The following DDAH1 variants were observed in gnomAD, a reference collection of about 807,000 sequenced individuals.
The protein encoded by DDAH1 is N(G),N(G)-dimethylarginine dimethylaminohydrolase 1.
A neutral mutation model predicts 28.8 loss-of-function variants in DDAH1; 19 were observed. The observed-to-expected ratio is 0.66, with a 90% confidence interval of 0.46 to 0.97. DDAH1 has a LOEUF of 0.97. Ranked by LOEUF, DDAH1 falls within the 50% of genes least tolerant of loss-of-function variation. The pLI, the probability that DDAH1 is intolerant of heterozygous loss-of-function variation, is 0.00. For missense variants in DDAH1, 326 were observed against 375.9 expected, an observed-to-expected ratio of 0.87 and a Z score of 1.10; for synonymous variants, 153 against 154.4, an observed-to-expected ratio of 0.99 and a Z score of 0.07.
chr1:85,525,808 C>T (rs1657851488), intron 1 of DDAH1, among the ~76,000 whole-genome samples: 1 of 152,150 alleles, frequency 6.6e-6, no homozygotes, highest in South Asian at 2.1e-4. Flanking sequence ...CAGGTTAACA[C>T]TGCTTGTATC....
chr1:85,349,645 C>G lies in DDAH1; in HGVS notation c.597+770G>C, dbSNP rs571699693. Among the ~76,000 whole-genome samples the G allele has an allele frequency of 7.9e-4, 120 of 152,304 alleles. 1 individual carries two copies. The Middle Eastern group carries it at 0.01, about 13-fold the overall frequency. ...CCACCTCTCTCATTCATTTATCCAT[C>G]CCTTCATCAGACATTTATGAAGGGC... On this transcript the variant is annotated intron_variant, in intron 4 of 5. Transcript: ENST00000284031.
At chr1:85,499,793 C>T (rs185381482) in intron 1 of DDAH1, among the ~76,000 whole-genome samples, 58 of 152,300 alleles carry the variant, frequency 3.8e-4, no homozygotes, top group African/African-American at 1.4e-3. Flanking sequence ...CAGACTATTG[C>T]AATGTCTACC....
chr1:85,350,569 T>C (rs572346569), intron 3 of DDAH1, 35 bp from the exon 4 acceptor site: 214 of 1,604,762 alleles, frequency 1.3e-4, no homozygotes, highest in Middle Eastern at 1.7e-4. Flanking sequence ...CAGTTTAGTA[T>C]TGCAGAATAA....
At chr1:85,458,653 T>C (rs1216343258) in intron 1 of DDAH1, among the ~76,000 whole-genome samples, 1 of 152,112 alleles carries the variant, frequency 6.6e-6, no homozygotes, top group Non-Finnish European at 1.5e-5. Context: ...CCCCTGCTTA[T>C]GAAATGAGCC....
At chr1:85,473,864 C>T (rs1486372140) in intron 2 of DDAH1, among the ~76,000 whole-genome samples, 2 of 152,192 alleles carry the variant, frequency 1.3e-5, no homozygotes, top group Non-Finnish European at 2.9e-5. Context: ...ATGAGCGAAT[C>T]TAGGCCCATG....
At chr1:85,547,199 T>G (rs540040137) in intron 1 of DDAH1, among the ~76,000 whole-genome samples, 4 of 152,286 alleles carry the variant, frequency 2.6e-5, no homozygotes, top group Non-Finnish European at 5.9e-5. Flanking sequence ...TCACTGAGCC[T>G]CAATGTCCTC....
intron 1 of DDAH1, among the ~76,000 whole-genome samples, chr1:85,532,787 C>A (rs1409565290): frequency 6.6e-6 from 1 of 152,216 alleles, no homozygotes; most frequent in Non-Finnish European, 1.5e-5. Context: ...ACAAAGTGAT[C>A]ATTTGCTTTT....
intron 1 of DDAH1, among the ~76,000 whole-genome samples, chr1:85,530,425 CA>C (rs1658052409): frequency 6.6e-6 from 1 of 151,994 alleles, no homozygotes; most frequent in East Asian, 1.9e-4. Flanking sequence ...CAATTTCATA[CA>C]GTTCAAAATG....
At chr1:85,496,122 G>A (rs986299316) in intron 2 of DDAH1, 7 of 467,650 alleles carry the variant, frequency 1.5e-5, no homozygotes, top group Non-Finnish European at 2.0e-5. Flanking sequence ...AATCAAATGT[G>A]TTTACTTTTA....
intron 1 of DDAH1, among the ~76,000 whole-genome samples, chr1:85,508,284 T>C (rs1657096304): frequency 6.6e-6 from 1 of 152,244 alleles, no homozygotes; most frequent in South Asian, 2.1e-4. Flanking sequence ...CATTCTTCTC[T>C]AAAGATAAAT....
chr1:85,561,988 C>T (rs1659156217), intron 1 of DDAH1, among the ~76,000 whole-genome samples: 1 of 152,190 alleles, frequency 6.6e-6, no homozygotes, highest in Non-Finnish European at 1.5e-5. Context: ...CCCTGTTTGA[C>T]AGAGTTGCTT....
chr1:85,464,455 A>C lies in DDAH1; in HGVS notation c.303+288T>G. 6.8e-7 allele frequency: 1 copy of C among 1,478,566 alleles called. No homozygotes were observed. The allele number at this position is 1,478,566 out of a possible 1,614,324, so 91.6% of individuals were successfully genotyped here. A position where few individuals can be genotyped will look rare whatever the true frequency, so the allele number is the denominator to read the frequency against. On this transcript the variant is annotated intron_variant, in intron 1 of 5. Transcript: ENST00000284031. This position sits in a 1 kb window ranked among gnomAD's most constrained non-coding sequence, Gnocchi z 4.4. ...GTCGTCGCTGCCGTTTAATTTTCAC[A>C]AATAAAAATGCCCGTGAGACGGAAT...
chr1:85,342,373 T>C (rs190882731), intron 4 of DDAH1, among the ~76,000 whole-genome samples: 8 of 150,370 alleles, frequency 5.3e-5, no homozygotes, highest in African/African-American at 1.7e-4. Context: ...GTCCTGTTGT[T>C]AGGTTTTTCT....
intron 1 of DDAH1, among the ~76,000 whole-genome samples, chr1:85,359,821 G>A (rs996881061): frequency 1.3e-5 from 2 of 152,174 alleles, no homozygotes; most frequent in Non-Finnish European, 2.9e-5. Context: ...AAAGCACAGA[G>A]ATATTCTGGG....
At chr1:85,517,720 A>G (rs623790) in intron 1 of DDAH1, among the ~76,000 whole-genome samples, 22,889 of 152,088 alleles carry the variant, frequency 0.15, 1,963 homozygotes, top group South Asian at 0.23. Context: ...CCCACCTTCT[A>G]GAGTCCCAAG....
chr1:85,345,945 T>C (rs1279261527), intron 4 of DDAH1, among the ~76,000 whole-genome samples: 1 of 152,206 alleles, frequency 6.6e-6, no homozygotes, highest in African/African-American at 2.4e-5. Context: ...TCTTCCTAGA[T>C]GGATGATTTC....
intron 2 of DDAH1, among the ~76,000 whole-genome samples, chr1:85,479,375 G>A (rs374982718): frequency 2.3e-4 from 35 of 151,044 alleles, no homozygotes; most frequent in Non-Finnish European, 1.8e-4. Context: ...GGGTTTCACC[G>A]TGTTAGCCAG....
chr1:85,339,943 A>T (rs931552919), intron 4 of DDAH1, among the ~76,000 whole-genome samples: 2 of 152,282 alleles, frequency 1.3e-5, no homozygotes, highest in East Asian at 3.9e-4. Context: ...GTGATGTACG[A>T]TCTCAGCCCA....
intron 4 of DDAH1, among the ~76,000 whole-genome samples, chr1:85,331,382 C>T (rs1034004103): frequency 3.3e-5 from 5 of 150,860 alleles, no homozygotes; most frequent in Admixed American, 3.3e-4. Flanking sequence ...ATTCAAAGCA[C>T]ATTTTTGGGT....
Sources: allele counts gnomAD v4.1 joint callset (sites outside exome capture counted in the v4.1 genomes callset), GRCh38; gene constraint gnomAD v4.1.1; non-coding constraint Gnocchi (gnomAD v3.1); transcripts MANE v1.5; gene names NCBI Gene and HGNC (gene_info 2026-07-23, HGNC 2026-07-21).